The following PBK variants were observed in gnomAD, a reference collection of about 807,000 sequenced individuals.
PBK encodes the protein lymphokine-activated killer T-cell-originated protein kinase.
Under a neutral mutation model 33.5 loss-of-function variants are expected in PBK, and 22 were observed. That is an observed-to-expected ratio of 0.66 (90% CI 0.47 to 0.94). The LOEUF is 0.94. PBK is among the 40% of genes least tolerant of loss of function. The pLI, the probability that PBK is intolerant of heterozygous loss-of-function variation, is 0.00. For missense variants in PBK, 376 were observed against 383.4 expected (o/e 0.98, Z 0.16); for synonymous variants, 129 against 123.8 (o/e 1.04, Z -0.28).
intron 2 of PBK, among the ~76,000 whole-genome samples, chr8:27,832,266 T>TA (rs1192041669): frequency 1.3e-5 from 2 of 152,140 alleles, no homozygotes; most frequent in African/African-American, 4.8e-5. Flanking sequence ...CCACTCACGA[T>TA]AATAACTAGA....
intron 2 of PBK, among the ~76,000 whole-genome samples, chr8:27,830,538 T>C (rs1399860898): frequency 6.6e-6 from 1 of 152,156 alleles, no homozygotes; most frequent in Non-Finnish European, 1.5e-5. Context: ...TGAGTATAAA[T>C]GGTCTAAACA....
At chr8:27,830,039 C>T (rs758636623) in intron 2 of PBK, among the ~76,000 whole-genome samples, 26 of 150,462 alleles carry the variant, frequency 1.7e-4, no homozygotes, top group Non-Finnish European at 3.1e-4. Flanking sequence ...CCTGTCTCTA[C>T]TAAAAATACA....
intron 3 of PBK, among the ~76,000 whole-genome samples, chr8:27,826,923 G>C (rs1806037436): frequency 6.6e-6 from 1 of 151,210 alleles, no homozygotes; most frequent in South Asian, 2.1e-4. Context: ...AATGAAACTA[G>C]CCATAAACCT....
intron 2 of PBK, among the ~76,000 whole-genome samples, chr8:27,831,340 G>A (rs1458463304): frequency 6.6e-6 from 1 of 150,762 alleles, no homozygotes; most frequent in African/African-American, 2.4e-5. Context: ...GTGACAAAAG[G>A]AAACTCAAAA....
chr8:27,819,481 G>T (rs1805878462), intron 6 of PBK, among the ~76,000 whole-genome samples: 1 of 151,998 alleles, frequency 6.6e-6, no homozygotes, highest in Admixed American at 6.5e-5. Context: ...ATTCGGAAGT[G>T]TTTTAAATTC....
intron 1 of PBK, among the ~76,000 whole-genome samples, chr8:27,835,491 T>C (rs1190009715): frequency 6.6e-6 from 1 of 152,134 alleles, no homozygotes; most frequent in East Asian, 1.9e-4. Context: ...ACTCCCCTTC[T>C]TCCATCTGTG....
At chr8:27,829,750 C>T (rs931825495) in intron 2 of PBK, among the ~76,000 whole-genome samples, 5 of 151,872 alleles carry the variant, frequency 3.3e-5, no homozygotes, top group Non-Finnish European at 7.4e-5. Context: ...GCCTGTAATC[C>T]CAGCTACTCG....
chr8:27,812,773 C>A (rs1805718370), intron 6 of PBK: 1 of 152,128 alleles, frequency 6.6e-6, no homozygotes, highest in African/African-American at 2.4e-5. Context: ...CAATGAGATA[C>A]CATCTCATGC....
At chr8:27,816,566 C>T (rs1057181416) in intron 6 of PBK, among the ~76,000 whole-genome samples, 3 of 151,298 alleles carry the variant, frequency 2.0e-5, no homozygotes, top group African/African-American at 4.9e-5. Context: ...TTAGTAGAGA[C>T]GGGGTTTCAC....
At chr8:27,810,848 T>C in intron 7 of PBK, 110 bp downstream of exon 7, 1 of 733,652 alleles carries the variant, frequency 1.4e-6, no homozygotes, top group Non-Finnish European at 2.2e-6. Flanking sequence ...TAAACCTTGG[T>C]GGTACCAAAT....
chr8:27,818,123 G>T (rs866757043), intron 6 of PBK, among the ~76,000 whole-genome samples: 40 of 152,172 alleles, frequency 2.6e-4, no homozygotes, highest in African/African-American at 9.2e-4. Flanking sequence ...GTCCTAAAGG[G>T]AGAATGACAC....
Position 27,822,416 on chromosome 8 carries a change from A to G in PBK, c.368T>C (p.Leu123Pro). 1.2e-6 allele frequency: 2 copies of G among 1,612,618 alleles called. No homozygotes were observed. The highest frequency in any genetic ancestry group is 1.7e-6 in the Non-Finnish European group (2 of 1,178,790). Residue 123 changes from leucine (L) to proline (P), a missense_variant, in exon 5 of 8, where the codon CTA (leucine) becomes CCA (proline). Physicochemically the swap from Leu to Pro is moderately conservative, Grantham distance 98. Transcript: ENST00000301905. Reference sequence around the variant, plus strand: ...ATATCGTTCTTCTATTAAGTCATTTAGAGACTTTTCACCTCCATATTCCAT... The same window carrying G: ...ATATCGTTCTTCTATTAAGTCATTTGGAGACTTTTCACCTCCATATTCCAT... ...LAMEYGGEKS[L>P]NDLIEERYKA...
chr8:27,837,432 T>G (rs1206520095), intron 1 of PBK, among the ~76,000 whole-genome samples: 2 of 152,134 alleles, frequency 1.3e-5, no homozygotes, highest in Non-Finnish European at 2.9e-5. Context: ...AGAGAAAGTG[T>G]GGGCCGCATG....
In PBK at chr8:27,832,462, T is replaced by C. The variant is rs114739349; in HGVS notation, c.58+594A>G. ...GACTGGGGAACAAAGTAAAACTGTC[T>C]TTCTTCATCCACAAATGACCAACCA... On this transcript the variant is annotated intron_variant, in intron 2 of 7. Coordinates refer to ENST00000301905, the MANE Select transcript of PBK (RefSeq NM_018492.4). 3.8e-3 allele frequency among the ~76,000 whole-genome samples: 577 copies of C among 152,324 alleles called. 5 individuals are homozygous for C. Among genetic ancestry groups the C allele is most frequent in the African/African-American group, 0.013 (534 of 41,570 alleles).
At chr8:27,823,002 A>G (rs1805957863) in intron 4 of PBK, 61 bp downstream of exon 4, 6 of 1,058,428 alleles carry the variant, frequency 5.7e-6, no homozygotes, top group East Asian at 2.4e-5. Context: ...AAGAGAGCAT[A>G]TAAGCTGTTT....
At chr8:27,831,441 T>C (rs1225161817) in intron 2 of PBK, among the ~76,000 whole-genome samples, 1 of 144,530 alleles carries the variant, frequency 6.9e-6, no homozygotes, top group South Asian at 2.3e-4. Flanking sequence ...CTGATAGAAA[T>C]TGGGGGTGGG....
intron 6 of PBK, among the ~76,000 whole-genome samples, chr8:27,818,958 GACTAA>G (rs1270839717): frequency 6.6e-6 from 1 of 152,026 alleles, no homozygotes; most frequent in Non-Finnish European, 1.5e-5. Context: ...ATCATTTACT[GACTAA>G]ACTACCTCTT....
intron 4 of PBK, 31 bp from the exon 5 acceptor site, chr8:27,822,519 T>C (rs777364218): frequency 5.5e-6 from 8 of 1,452,400 alleles, no homozygotes; most frequent in Non-Finnish European, 7.6e-6. Context: ...TCTTCACTAA[T>C]ATAGAGAAGA....
At chr8:27,816,378 T>TTTA (rs778808610) in intron 6 of PBK, among the ~76,000 whole-genome samples, 2 of 145,006 alleles carry the variant, frequency 1.4e-5, no homozygotes, top group African/African-American at 5.2e-5. Context: ...TATTTATTTA[T>TTTA]TTTAATTTAT....
Sources: allele counts gnomAD v4.1 joint callset (sites outside exome capture counted in the v4.1 genomes callset), GRCh38; gene constraint gnomAD v4.1.1; transcripts MANE v1.5; gene names NCBI Gene and HGNC (gene_info 2026-07-23, HGNC 2026-07-21).